Variants in NBEAL1 observed in about 807,000 individuals in gnomAD.
NBEAL1 encodes the protein neurobeachin like 1, also known as neurobeachin-like protein 1.
In NBEAL1, 273 loss-of-function variants were observed where a neutral mutation model predicts 351.3. The observed-to-expected ratio is 0.78, with a 90% CI of 0.70 to 0.86. NBEAL1 has a LOEUF of 0.86. Among genes scored for constraint, NBEAL1 ranks in the 40% least tolerant of loss-of-function variants. The pLI, the probability that NBEAL1 is intolerant of heterozygous loss-of-function variation, is 0.00. For missense variants in NBEAL1, 2,961 were observed against 3,201.3 expected (o/e 0.92, Z 1.81); for synonymous variants, 1,050 against 1,086.4 (o/e 0.97, Z 0.66).
chr2:203,196,021 C>T (rs978884860), intron 47 of NBEAL1, among the ~76,000 whole-genome samples: 1 of 152,194 alleles, frequency 6.6e-6, no homozygotes, highest in African/African-American at 2.4e-5. Flanking sequence ...GCCAGTCTTG[C>T]AAGTAGGCCT....
intron 33 of NBEAL1, among the ~76,000 whole-genome samples, chr2:203,146,074 C>A (rs1019326089): frequency 2.0e-5 from 3 of 151,184 alleles, no homozygotes; most frequent in Admixed American, 2.0e-4. Context: ...ACCACTGACT[C>A]CCCGGACATC....
intron 2 of NBEAL1, among the ~76,000 whole-genome samples, chr2:203,018,703 G>T (rs961019960): frequency 1.3e-5 from 2 of 151,998 alleles, no homozygotes; most frequent in Non-Finnish European, 2.9e-5. Context: ...GAACTCTTTT[G>T]TGTCTGTCAC....
chr2:203,120,721 T>A (rs1011804319), intron 18 of NBEAL1, among the ~76,000 whole-genome samples: 1 of 152,170 alleles, frequency 6.6e-6, no homozygotes, highest in Non-Finnish European at 1.5e-5. Context: ...ATTTTAGAAA[T>A]GGTCTTAAGC....
At chr2:203,158,815 G>GTTTT (rs71034220) in intron 36 of NBEAL1, among the ~76,000 whole-genome samples, 85 of 84,352 alleles carry the variant, frequency 1.0e-3, no homozygotes, top group Non-Finnish European at 1.3e-3. Context: ...TTTCTGTAGG[G>GTTTT]TTTTTTTTTT....
At chr2:203,042,683 G>A (rs2061162527) in intron 3 of NBEAL1, among the ~76,000 whole-genome samples, 1 of 151,800 alleles carries the variant, frequency 6.6e-6, no homozygotes, top group Admixed American at 6.6e-5. Context: ...CACCTCCTAG[G>A]TTCAAGCAAT....
rs1454178476 is a variant in NBEAL1 at position 203,223,453 on chromosome 2, G to A, written c.*6099G>A. Among the ~76,000 whole-genome samples, 1 of 151,886 alleles carries A rather than the reference G, an allele frequency of 6.6e-6. No homozygotes were observed. Among genetic ancestry groups the A allele is most frequent in the Non-Finnish European group, 1.5e-5 (1 of 67,914 alleles). ...TATGTGTGTCTGTGTTTCCACTTATGTAATGGCTGTCTCATTATTTAAATT... is the reference window on the plus strand; with the variant it reads ...TATGTGTGTCTGTGTTTCCACTTATATAATGGCTGTCTCATTATTTAAATT... On this transcript the variant is annotated 3_prime_UTR_variant, in exon 56 of 56. Transcript: ENST00000683969.
chr2:203,125,679 A>G (rs1355315087), intron 20 of NBEAL1, among the ~76,000 whole-genome samples, 159 bp downstream of exon 20: 1 of 152,208 alleles, frequency 6.6e-6, no homozygotes, highest in Non-Finnish European at 1.5e-5. Flanking sequence ...AGTTTATAAT[A>G]CTTTCATCAA....
Position 203,133,312 on chromosome 2 carries a change from A to G in NBEAL1, c.3813+166A>G, listed in dbSNP as rs918551295. ...TGAAGTAAATTAACTTCATGTTATC[A>G]TAAGAAATTAGCATGTGAATGTTTT... On this transcript the variant is annotated intron_variant, in intron 27 of 55. Transcript: ENST00000683969. Among the ~76,000 whole-genome samples, 5 of 152,158 alleles carry G rather than the reference A, an allele frequency of 3.3e-5. No individual in the cohort carries two copies. In the East Asian group the frequency reaches 5.8e-4, roughly 18 times the overall value.
At chr2:203,183,816 G>A (rs528148975) in intron 44 of NBEAL1, among the ~76,000 whole-genome samples, 1 of 152,074 alleles carries the variant, frequency 6.6e-6, no homozygotes, top group South Asian at 2.1e-4. Flanking sequence ...GCTCACACCT[G>A]TAATCCTAGC....
intron 37 of NBEAL1, among the ~76,000 whole-genome samples, 182 bp from the exon 38 acceptor site, chr2:203,167,045 G>C (rs188546231): frequency 1.1e-3 from 172 of 152,270 alleles, no homozygotes; most frequent in African/African-American, 4.0e-3. Flanking sequence ...AATAGTTATA[G>C]AACTTTAAAA....
chr2:203,151,923 T>C (rs1222242188), intron 35 of NBEAL1, among the ~76,000 whole-genome samples: 2 of 152,276 alleles, frequency 1.3e-5, no homozygotes, highest in Admixed American at 1.3e-4. Context: ...CTAATACTAA[T>C]GTTAGATAGA....
chr2:203,164,668 T>TA (rs1399902355), intron 36 of NBEAL1, among the ~76,000 whole-genome samples: 1 of 152,126 alleles, frequency 6.6e-6, no homozygotes, highest in East Asian at 1.9e-4. Flanking sequence ...TAGTTTTAAA[T>TA]AAATGATTGC....
In NBEAL1 at chr2:203,153,607, T is replaced by C. The variant is rs192526783; in HGVS notation, c.5587+2018T>C. Among the ~76,000 whole-genome samples the C allele has an allele frequency of 2.0e-3, 307 of 152,330 alleles. 5 individuals carry two copies. Among genetic ancestry groups the C allele is most frequent in the Non-Finnish European group, 6.9e-4 (47 of 68,022 alleles). On this transcript the variant is annotated intron_variant, in intron 35 of 55. Transcript: ENST00000683969. ...TTCAAAATAATGGCCCTGTCCATGA[T>C]ATAAACACTAACTTTGAGTGTTATC...
In NBEAL1 at chr2:203,138,263, A is replaced by G. The variant is rs1422123922; in HGVS notation, c.4667A>G (p.Gln1556Arg). The G allele has an allele frequency of 1.9e-6, 3 of 1,613,982 alleles. No individual in the cohort carries two copies. In the African/African-American group the frequency reaches 4.0e-5, roughly 22 times the overall value. ...GCCTTCCGACTAGTGCTGATCATAC[A>G]GGACTTTCTTCAGTCAGAGGGACTA... Reference protein sequence around the residue: ...ENAFRLVLIIQDFLQSEGLVN... With the variant: ...ENAFRLVLIIRDFLQSEGLVN... The change falls in exon 30 of 56, where the codon CAG becomes CGG. Residue 1556 changes from glutamine to arginine, a missense_variant. Gln to Arg is a conservative substitution (Grantham distance 43). Coordinates refer to ENST00000683969, the MANE Select transcript of NBEAL1 (RefSeq NM_001378026.1).
chr2:203,091,803 G>A (rs1241995441), intron 10 of NBEAL1, among the ~76,000 whole-genome samples: 9 of 151,986 alleles, frequency 5.9e-5, no homozygotes, highest in Middle Eastern at 3.2e-3. Context: ...CAAGTCCTTT[G>A]CCCATTTTAA....
Position 203,206,629 on chromosome 2 carries a change from C to T in NBEAL1, c.7507-2008C>T, listed in dbSNP as rs558214610. 4.3e-4 allele frequency among the ~76,000 whole-genome samples: 65 copies of T among 151,852 alleles called. 1 individual carries two copies. The South Asian group carries it at 7.3e-3, about 17-fold the overall frequency. On this transcript the variant is annotated intron_variant, in intron 51 of 55. Coordinates refer to ENST00000683969, the MANE Select transcript of NBEAL1 (RefSeq NM_001378026.1). Reference sequence around the variant, plus strand: ...GAACACGGGGTTTCGCTGTGTTGGCCGGGCTGGTCTCCAGCTCCTGACCGC... The same window carrying T: ...GAACACGGGGTTTCGCTGTGTTGGCTGGGCTGGTCTCCAGCTCCTGACCGC...
chr2:203,206,394 C>G (rs2065559014), intron 51 of NBEAL1, among the ~76,000 whole-genome samples: 1 of 152,030 alleles, frequency 6.6e-6, no homozygotes, highest in Non-Finnish European at 1.5e-5. Context: ...CTCCCTCTCC[C>G]TCTCTCCCTC....
At chr2:203,034,858 A>G (rs2061016720) in intron 2 of NBEAL1, among the ~76,000 whole-genome samples, 1 of 149,044 alleles carries the variant, frequency 6.7e-6, no homozygotes, top group African/African-American at 2.4e-5. Flanking sequence ...TGTGGGGGGA[A>G]TTTATCTTCT....
intron 49 of NBEAL1, 38 bp from the exon 50 acceptor site, chr2:203,201,505 C>A: frequency 6.2e-6 from 9 of 1,451,526 alleles, no homozygotes; most frequent in Non-Finnish European, 8.2e-6. Flanking sequence ...TATACGTGAT[C>A]TTGTAAGGAA....
Sources: gnomAD v4.1 joint callset for allele counts (sites outside exome capture counted in the v4.1 genomes callset) on GRCh38, gnomAD v4.1.1 for gene constraint, MANE v1.5 for transcripts, NCBI Gene and HGNC (gene_info 2026-07-23, HGNC 2026-07-21) for gene names.